Variants in MRGPRF observed in about 807,000 individuals in gnomAD.
MRGPRF encodes the protein mas-related G protein-coupled receptor member F.
Under a neutral mutation model 3.3 loss-of-function variants are expected in MRGPRF, and 2 were observed. That is an observed-to-expected ratio of 0.61 (90% CI 0.25 to 1.92). The LOEUF (loss-of-function observed/expected upper bound fraction) is 1.92. MRGPRF is among the 40% of genes most tolerant of loss of function. The pLI, the probability that MRGPRF is intolerant of heterozygous loss-of-function variation, is 0.16. For synonymous variants in MRGPRF, 242 were observed against 222.7 expected, an observed-to-expected ratio of 1.09 and a Z score of -0.77; for missense variants, 500 against 476.0, an observed-to-expected ratio of 1.05 and a Z score of -0.47.
chr11:69,011,829 C>G (rs1860603551), intron 1 of MRGPRF, among the ~76,000 whole-genome samples: 1 of 152,204 alleles, frequency 6.6e-6, no homozygotes, highest in African/African-American at 2.4e-5. Context: ...CAGGCTAGAC[C>G]CCAGCCACAC....
At position 69,005,411 on chromosome 11, in the gene MRGPRF, T is replaced by C. The variant is rs568789013; in HGVS notation, c.899A>G (p.Gln300Arg). The C allele has an allele frequency of 1.2e-5, 19 of 1,582,746 alleles. No homozygotes were observed. The highest frequency in any genetic ancestry group is 7.2e-5 in the Admixed American group (4 of 55,690). Residue 300 changes from glutamine to arginine, a missense_variant, in exon 3 of 3, where the codon CAG becomes CGG. Transcript: ENST00000309099. ...CACCCTGAGCGGCTCCCACAGCCGC[T>C]GCGACTTGTCCCTCCCGGCCAGGAA... The part of the protein sequence containing the change: ...VYFLAGRDKS[Q>R]RLWEPLRVVF...
chr11:69,006,117 C>G lies in MRGPRF; in HGVS notation c.193G>C (p.Val65Leu). The G allele has an allele frequency of 6.2e-7, 1 of 1,613,882 alleles. No homozygotes were observed. The highest frequency in any genetic ancestry group is 1.1e-5 in the South Asian group (1 of 91,040). Reference sequence around the variant, plus strand: ...ATGGAGAAGCCGAAAAACCAGAGGACCAGCCCGTTGCCCACCAGGCCACAC... The same window carrying G: ...ATGGAGAAGCCGAAAAACCAGAGGAGCAGCCCGTTGCCCACCAGGCCACAC... ...CLCGLVGNGL[V>L]LWFFGFSIKR... The change falls in exon 3 of 3, where the codon GTC (valine) becomes CTC (leucine). Residue 65 changes from valine to leucine, a missense_variant. Physicochemically the swap from Val to Leu is conservative, Grantham distance 32. Coordinates refer to ENST00000309099, the MANE Select transcript of MRGPRF (RefSeq NM_145015.5).
chr11:69,006,310 C>A, intron 2 of MRGPRF, 49 bp from the exon 3 acceptor site: 2 of 1,541,114 alleles, frequency 1.3e-6, no homozygotes, highest in Non-Finnish European at 1.7e-6. Context: ...GGCCCCCACC[C>A]ACAGACCTGC....
At chr11:69,011,583 G>A (rs1220391466) in intron 1 of MRGPRF, among the ~76,000 whole-genome samples, 1 of 152,182 alleles carries the variant, frequency 6.6e-6, no homozygotes, top group Non-Finnish European at 1.5e-5. Flanking sequence ...CGTTGCCACA[G>A]ACAGGCCGTA....
rs550397705 is a variant in MRGPRF at position 69,005,895 on chromosome 11, C to A, written c.415G>T (p.Ala139Ser). The change falls in exon 3 of 3, where the codon GCC becomes TCC. Residue 139 changes from alanine (A) to serine (S), a missense_variant. Ala to Ser is a moderately conservative substitution (Grantham distance 99). Transcript: ENST00000309099. Reference sequence around the variant, plus strand: ...AAGATGACCGAGGCGCAGCGCTCGGCGCTGACGGCCGGCAGGAGGCTCACG... The same window carrying A: ...AAGATGACCGAGGCGCAGCGCTCGGAGCTGACGGCCGGCAGGAGGCTCACG... ...TGVSLLPAVS[A>S]ERCASVIFPA... The A allele has an allele frequency of 1.3e-6, 2 of 1,570,720 alleles. No homozygotes were observed. The highest frequency in any genetic ancestry group is 1.9e-5 in the Admixed American group (1 of 52,776).
chr11:69,006,147 A>G lies in MRGPRF; in HGVS notation c.163T>C (p.Cys55Arg). The G allele has an allele frequency of 6.2e-7, 1 of 1,614,138 alleles. No homozygotes were observed. The highest frequency in any genetic ancestry group is 8.5e-7 in the Non-Finnish European group (1 of 1,180,028). The change falls in exon 3 of 3, where the codon TGC becomes CGC. Residue 55 changes from cysteine to arginine, a missense_variant. Coordinates refer to ENST00000309099, the MANE Select transcript of MRGPRF (RefSeq NM_145015.5). ...CCGTTGCCCACCAGGCCACACAGGCAGAGGAGCAGGAAGATGTAGTTCATG... is the reference window on the plus strand; with the variant it reads ...CCGTTGCCCACCAGGCCACACAGGCGGAGGAGCAGGAAGATGTAGTTCATG... ...AVMNYIFLLL[C>R]LCGLVGNGLV...
At chr11:69,007,803 CT>C in intron 2 of MRGPRF, among the ~76,000 whole-genome samples, 1 of 152,240 alleles carries the variant, frequency 6.6e-6, no homozygotes, top group Middle Eastern at 3.4e-3. Context: ...AGGGTTGCCC[CT>C]GGGGTTTCCA....
chr11:69,009,086 C>A (rs569833298), intron 2 of MRGPRF, among the ~76,000 whole-genome samples: 47 of 152,322 alleles, frequency 3.1e-4, no homozygotes, highest in Non-Finnish European at 5.6e-4. Context: ...CACTCCACAG[C>A]GGTCACTACG....
Position 69,005,170 on chromosome 11 carries a change from A to G in MRGPRF, c.*108T>C. The stretch of plus-strand genomic sequence containing the variant: ...AGAAGGAGGCCCGAGGAGAGGAAAC[A>G]GATCTTTCTTCTCCTGTATGGACTC... On this transcript the variant is annotated 3_prime_UTR_variant, in exon 3 of 3. Coordinates refer to ENST00000309099, the MANE Select transcript of MRGPRF (RefSeq NM_145015.5). The G allele has an allele frequency of 7.4e-7, 1 of 1,346,152 alleles. No individual in the cohort carries two copies. Among genetic ancestry groups the G allele is most frequent in the Non-Finnish European group, 9.8e-7 (1 of 1,021,882 alleles). 83.4% of individuals were successfully genotyped at this position (1,346,152 alleles called of 1,614,324 possible). A position where few individuals can be genotyped will look rare whatever the true frequency, so the allele number is the denominator to read the frequency against.
Position 69,009,977 on chromosome 11 carries a change from AG to A in MRGPRF, c.-56-21del. 2.7e-6 allele frequency: 4 copies of A among 1,504,084 alleles called. No homozygotes were observed. Among genetic ancestry groups the A allele is most frequent in the Non-Finnish European group, 3.6e-6 (4 of 1,113,444 alleles). The allele number at this position is 1,504,084 out of a possible 1,614,324, so 93.2% of individuals were successfully genotyped here. On this transcript the variant is annotated intron_variant, in intron 1 of 2. Coordinates refer to ENST00000309099, the MANE Select transcript of MRGPRF (RefSeq NM_145015.5). Reference sequence around the variant, plus strand: ...ACCCACCTGGCAGAAGCCCAGAGAGAGGGTGGATGAGGACAGCAGGGACCCC... The same window carrying A: ...ACCCACCTGGCAGAAGCCCAGAGAGAGGTGGATGAGGACAGCAGGGACCCC...
chr11:69,005,398 C>A lies in MRGPRF; in HGVS notation c.912G>T (p.Glu304Asp), dbSNP rs1168832728. 1 of 1,578,432 alleles carries A rather than the reference C, an allele frequency of 6.3e-7. No individual in the cohort carries two copies. Among genetic ancestry groups the A allele is most frequent in the African/African-American group, 1.3e-5 (1 of 74,114 alleles). ...CCCGCTGGAAGACCACCCTGAGCGG[C>A]TCCCACAGCCGCTGCGACTTGTCCC... ...AGRDKSQRLW[E>D]PLRVVFQRAL... The change falls in exon 3 of 3, where the codon GAG (glutamate) becomes GAT (aspartate). Residue 304 changes from glutamate (E) to aspartate (D), a missense_variant. Physicochemically the swap from Glu to Asp is conservative, Grantham distance 45. Transcript: ENST00000309099.
upstream of MRGPRF, chr11:69,013,385 C>G (rs555211416): frequency 4.3e-4 from 66 of 152,698 alleles, no homozygotes; most frequent in Non-Finnish European, 7.8e-4. Flanking sequence ...AGGAGCCCCC[C>G]CCAGAGCCCC....
At chr11:69,011,328 T>A (rs1860593080) in intron 1 of MRGPRF, among the ~76,000 whole-genome samples, 1 of 152,184 alleles carries the variant, frequency 6.6e-6, no homozygotes, top group Non-Finnish European at 1.5e-5. Context: ...CCCAGTGGCC[T>A]GGCTCCCCTC....
intron 2 of MRGPRF, among the ~76,000 whole-genome samples, chr11:69,009,146 A>G (rs1444762154): frequency 6.6e-6 from 1 of 152,176 alleles, no homozygotes; most frequent in African/African-American, 2.4e-5. Flanking sequence ...TGAGATCCCC[A>G]GGGCTGGGCT....
At chr11:69,011,001 T>G (rs767520727) in intron 1 of MRGPRF, among the ~76,000 whole-genome samples, 9 of 152,156 alleles carry the variant, frequency 5.9e-5, no homozygotes, top group Non-Finnish European at 1.3e-4. Flanking sequence ...AGAAGGGCCT[T>G]GCTGGGCACA....
rs1860564140 is a variant in MRGPRF, at chr11:69,009,958, C to G, written c.-56-1G>C. On this transcript the variant is annotated splice_acceptor_variant, in intron 1 of 2. Transcript: ENST00000309099. LOFTEE classifies it low-confidence loss of function (5UTR_SPLICE). Reference sequence around the variant, plus strand: ...GCAGCTCACCAGTCTGCACACCCACCTGGCAGAAGCCCAGAGAGAGGGTGG... The same window carrying G: ...GCAGCTCACCAGTCTGCACACCCACGTGGCAGAAGCCCAGAGAGAGGGTGG... The G allele has an allele frequency of 1.9e-6, 3 of 1,558,004 alleles. No individual in the cohort carries two copies. The East Asian group carries it at 6.7e-5, about 35-fold the overall frequency.
At chr11:69,008,385 AAAGGCAAGGTTATG>A (rs1365433333) in intron 2 of MRGPRF, among the ~76,000 whole-genome samples, 2 of 152,178 alleles carry the variant, frequency 1.3e-5, no homozygotes, top group African/African-American at 4.8e-5. Flanking sequence ...TAACAAAACC[AAAGGCAAGGTTATG>A]AAGGCAGGAT....
intron 2 of MRGPRF, among the ~76,000 whole-genome samples, chr11:69,008,439 C>T (rs761639171): frequency 7.9e-5 from 12 of 152,216 alleles, no homozygotes; most frequent in Non-Finnish European, 8.8e-5. Flanking sequence ...TGACTCCCAG[C>T]TCTGGCAGAA....
rs1157458993 is a variant in MRGPRF at position 69,005,896 on chromosome 11, G to A, written c.414C>T (p.Ser138=). The change falls in exon 3 of 3, where the codon AGC becomes AGT. Residue 138 remains serine (S), a synonymous_variant. Transcript: ENST00000309099. ...LTGVSLLPAV[S]AERCASVIFP... The stretch of plus-strand genomic sequence containing the variant: ...AGATGACCGAGGCGCAGCGCTCGGC[G>A]CTGACGGCCGGCAGGAGGCTCACGC... The A allele has an allele frequency of 1.3e-6, 2 of 1,571,494 alleles. No homozygotes were observed. Among genetic ancestry groups the A allele is most frequent in the South Asian group, 1.2e-5 (1 of 85,900 alleles).
Sources: gnomAD v4.1 joint callset for allele counts (sites outside exome capture counted in the v4.1 genomes callset) on GRCh38, gnomAD v4.1.1 for gene constraint, MANE v1.5 for transcripts, NCBI Gene and HGNC (gene_info 2026-07-23, HGNC 2026-07-21) for gene names.